DGKG: variants seen among roughly 807,000 people sequenced by gnomAD.
The protein encoded by DGKG is DAG kinase gamma.
DGKG carries 78 observed loss-of-function variants against 105.3 expected under a neutral mutation model. The observed-to-expected ratio is 0.74, with a 90% CI of 0.62 to 0.89. The LOEUF (loss-of-function observed/expected upper bound fraction) is 0.89, where lower values mean the gene tolerates loss of function less well. Ranked by LOEUF, DGKG falls within the 40% of genes least tolerant of loss-of-function variation. DGKG has a pLI of 0.00. For missense variants in DGKG, 958 were observed against 1,020.1 expected, an observed-to-expected ratio of 0.94 and a Z score of 0.83; for synonymous variants, 346 against 367.1, an observed-to-expected ratio of 0.94 and a Z score of 0.66.
chr3:186,268,184 T>C (rs1722146287), intron 12 of DGKG, among the ~76,000 whole-genome samples: 1 of 152,194 alleles, frequency 6.6e-6, no homozygotes, highest in Non-Finnish European at 1.5e-5. Context: ...CTTTGTATTT[T>C]GAGAGTTCTG....
Position 186,226,047 on chromosome 3 carries a change from G to T in DGKG, c.1827-14162C>A, listed in dbSNP as rs1046344622. On this transcript the variant is annotated intron_variant, in intron 20 of 24. Transcript: ENST00000265022. The surrounding 1 kb of genome is among the most constrained non-coding windows in gnomAD (Gnocchi z 4.2). ...AGTTGCTCTGTGTTTGGAAGTTAGGGCACAACCTGGTAGATAGATCAACTA... is the reference window on the plus strand; with the variant it reads ...AGTTGCTCTGTGTTTGGAAGTTAGGTCACAACCTGGTAGATAGATCAACTA... 2.6e-5 allele frequency among the ~76,000 whole-genome samples: 4 copies of T among 152,256 alleles called. No individual in the cohort carries two copies. The highest frequency in any genetic ancestry group is 2.1e-4 in the South Asian group (1 of 4,826).
intron 19 of DGKG, among the ~76,000 whole-genome samples, chr3:186,248,795 A>G (rs1437024248): frequency 2.0e-5 from 3 of 152,156 alleles, no homozygotes; most frequent in African/African-American, 7.2e-5. Flanking sequence ...TATGATTCCA[A>G]GCTCTGCCAC....
At chr3:186,278,668 T>C (rs186390503) in intron 9 of DGKG, among the ~76,000 whole-genome samples, 1 of 152,308 alleles carries the variant, frequency 6.6e-6, no homozygotes, top group East Asian at 1.9e-4. Flanking sequence ...TATGAAATGA[T>C]TGCAAGATTC....
intron 22 of DGKG, among the ~76,000 whole-genome samples, chr3:186,181,848 T>A (rs937735303): frequency 1.3e-5 from 2 of 152,204 alleles, no homozygotes; most frequent in African/African-American, 4.8e-5. Context: ...AGGGGCCAGG[T>A]GTGGATAACA....
intron 1 of DGKG, among the ~76,000 whole-genome samples, chr3:186,327,390 C>T (rs1560156804): frequency 7.4e-6 from 1 of 136,004 alleles, no homozygotes; most frequent in East Asian, 2.1e-4. Flanking sequence ...TTTTCTTCTT[C>T]TTTTTTTTTT....
In DGKG at chr3:186,223,494, C is replaced by G. The variant is rs183634011; in HGVS notation, c.1827-11609G>C. 4.4e-3 allele frequency among the ~76,000 whole-genome samples: 670 copies of G among 152,218 alleles called. 6 individuals are homozygous for G. The highest frequency in any genetic ancestry group is 0.014 in the African/African-American group (597 of 41,536). On this transcript the variant is annotated intron_variant, in intron 20 of 24. Coordinates refer to ENST00000265022, the MANE Select transcript of DGKG (RefSeq NM_001346.3). ...ACGGTAAGTCGCTCCCTCCTTGTTTCCCTTACCTTTCCCATCATGAAATTG... is the reference window on the plus strand; with the variant it reads ...ACGGTAAGTCGCTCCCTCCTTGTTTGCCTTACCTTTCCCATCATGAAATTG...
Position 186,227,554 on chromosome 3 carries a change from G to T in DGKG, c.1826+14950C>A, listed in dbSNP as rs116171315. The stretch of plus-strand genomic sequence containing the variant: ...GTAAAGCCATTTGTTCAGGGTTTCT[G>T]TGAAATAATTTACTGTGAAATAAGT... On this transcript the variant is annotated intron_variant, in intron 20 of 24. Transcript: ENST00000265022. Among the ~76,000 whole-genome samples the T allele has an allele frequency of 3.5e-3, 536 of 152,228 alleles. 2 individuals carry two copies. Among genetic ancestry groups the T allele is most frequent in the African/African-American group, 0.012 (503 of 41,536 alleles).
chr3:186,354,107 G>A (rs926069522), intron 1 of DGKG, among the ~76,000 whole-genome samples: 4 of 152,074 alleles, frequency 2.6e-5, no homozygotes, highest in African/African-American at 7.2e-5. Flanking sequence ...GGGGAGTTTG[G>A]GGGGCTAGAT....
At chr3:186,188,835 G>A (rs925025551) in intron 21 of DGKG, among the ~76,000 whole-genome samples, 3 of 151,880 alleles carry the variant, frequency 2.0e-5, no homozygotes, top group Admixed American at 6.6e-5. Context: ...ATTTTTTTGA[G>A]ATGGAGTCTT....
chr3:186,304,989 T>TA (rs1368949737), intron 3 of DGKG, among the ~76,000 whole-genome samples: 9 of 152,298 alleles, frequency 5.9e-5, no homozygotes, highest in Admixed American at 2.0e-4. Context: ...CAAGAAATGT[T>TA]AGAGTCATTG....
chr3:186,197,550 C>G (rs893167477), intron 21 of DGKG, among the ~76,000 whole-genome samples: 2 of 152,174 alleles, frequency 1.3e-5, no homozygotes, highest in African/African-American at 2.4e-5. Context: ...GGCAGTGGTG[C>G]TCATTTACAG....
intron 20 of DGKG, among the ~76,000 whole-genome samples, chr3:186,227,987 C>T (rs1361597184): frequency 6.6e-6 from 1 of 152,142 alleles, no homozygotes; most frequent in African/African-American, 2.4e-5. Flanking sequence ...AGAAGGCCAA[C>T]AAACTCTGAC....
intron 20 of DGKG, among the ~76,000 whole-genome samples, chr3:186,229,123 C>G (rs1720002365): frequency 6.6e-6 from 1 of 152,128 alleles, no homozygotes; most frequent in Admixed American, 6.5e-5. Context: ...ACTGATACAT[C>G]TACAAGCTAA....
intron 6 of DGKG, among the ~76,000 whole-genome samples, chr3:186,287,153 C>T (rs559224447): frequency 9.9e-4 from 151 of 152,136 alleles, no homozygotes; most frequent in African/African-American, 3.3e-3. Context: ...GAATTTTACT[C>T]GGATCCTGAT....
At chr3:186,265,963 C>G (rs1301942732) in intron 13 of DGKG, among the ~76,000 whole-genome samples, 1 of 152,056 alleles carries the variant, frequency 6.6e-6, no homozygotes, top group Non-Finnish European at 1.5e-5. Context: ...AGCCACTGCG[C>G]CTGGCCGTCG....
chr3:186,315,535 G>C (rs1210454724), intron 2 of DGKG, among the ~76,000 whole-genome samples: 1 of 152,128 alleles, frequency 6.6e-6, no homozygotes, highest in African/African-American at 2.4e-5. Flanking sequence ...CTCTAGAGAG[G>C]TCTGACGGTC....
At chr3:186,179,820 C>T (rs1262205710) in intron 22 of DGKG, among the ~76,000 whole-genome samples, 5 of 152,140 alleles carry the variant, frequency 3.3e-5, no homozygotes, top group South Asian at 2.1e-4. Flanking sequence ...AATTGGAGGC[C>T]GACCTCCTGA....
chr3:186,263,618 G>A (rs1169633633), intron 14 of DGKG, among the ~76,000 whole-genome samples: 2 of 151,326 alleles, frequency 1.3e-5, no homozygotes, highest in Non-Finnish European at 2.9e-5. Context: ...AACGCACCAT[G>A]TACTATCTTC....
chr3:186,155,241 G>A (rs1715978534), intron 24 of DGKG, among the ~76,000 whole-genome samples: 1 of 152,168 alleles, frequency 6.6e-6, no homozygotes, highest in Non-Finnish European at 1.5e-5. Context: ...CGCCTGGGCT[G>A]GAGTGCAACG....
Sources: gnomAD v4.1 joint callset for allele counts (sites outside exome capture counted in the v4.1 genomes callset) on GRCh38, gnomAD v4.1.1 for gene constraint, Gnocchi (gnomAD v3.1) non-coding constraint, MANE v1.5 for transcripts, NCBI Gene and HGNC (gene_info 2026-07-23, HGNC 2026-07-21) for gene names.